The following MMADHC variants were observed in gnomAD, a reference collection of about 807,000 sequenced individuals.
MMADHC encodes cobalamin trafficking protein CblD.
A neutral mutation model predicts 36.3 loss-of-function variants in MMADHC; 23 were observed. That is an observed-to-expected ratio of 0.63 (90% CI 0.46 to 0.90). The LOEUF is 0.90. Ranked by LOEUF, MMADHC falls within the 40% of genes least tolerant of loss-of-function variation. The pLI, the probability that MMADHC is intolerant of heterozygous loss-of-function variation, is 0.00. For missense variants in MMADHC, 330 were observed against 348.0 expected, an observed-to-expected ratio of 0.95 and a Z score of 0.41; for synonymous variants, 97 against 116.1, an observed-to-expected ratio of 0.84 and a Z score of 1.06.
chr2:149,585,563 A>C (rs1320158997), intron 2 of MMADHC, among the ~76,000 whole-genome samples: 1 of 152,228 alleles, frequency 6.6e-6, no homozygotes, highest in East Asian at 1.9e-4. Flanking sequence ...AACTCAGAAG[A>C]TCTGGCAGTA....
chr2:149,582,950 G>A (rs186725946), intron 2 of MMADHC, among the ~76,000 whole-genome samples: 43 of 152,248 alleles, frequency 2.8e-4, no homozygotes, highest in Admixed American at 1.6e-3. Flanking sequence ...ATTGGCGAAC[G>A]ATTTCCCAAT....
chr2:149,575,241 G>A (rs1425542603), intron 6 of MMADHC, among the ~76,000 whole-genome samples: 1 of 152,146 alleles, frequency 6.6e-6, no homozygotes, highest in Non-Finnish European at 1.5e-5. Flanking sequence ...AGAAAAAAAT[G>A]TGGGTATACA....
chr2:149,582,766 A>G (rs1682812839), intron 2 of MMADHC, among the ~76,000 whole-genome samples: 2 of 152,104 alleles, frequency 1.3e-5, no homozygotes, highest in African/African-American at 2.4e-5. Flanking sequence ...TCTCCATTTC[A>G]GCACGTATCT....
At chr2:149,582,562 CTTA>C (rs1020074839) in intron 2 of MMADHC, among the ~76,000 whole-genome samples, 7 of 152,130 alleles carry the variant, frequency 4.6e-5, no homozygotes, top group African/African-American at 1.7e-4. Flanking sequence ...TAAAAGTTGT[CTTA>C]TTTAGACACA....
At chr2:149,572,620 T>C (rs1682660932) in intron 6 of MMADHC, among the ~76,000 whole-genome samples, 2 of 152,112 alleles carry the variant, frequency 1.3e-5, no homozygotes, top group South Asian at 2.1e-4. Flanking sequence ...GCTGAGGAGA[T>C]AGAAAGCAAG....
At chr2:149,582,536 T>C (rs1194609920) in intron 2 of MMADHC, among the ~76,000 whole-genome samples, 1 of 152,220 alleles carries the variant, frequency 6.6e-6, no homozygotes, top group South Asian at 2.1e-4. Flanking sequence ...GTGCCACACA[T>C]GAGAGAATAG....
intron 4 of MMADHC, among the ~76,000 whole-genome samples, chr2:149,576,901 T>C (rs1332507763): frequency 6.6e-6 from 1 of 152,176 alleles, no homozygotes; most frequent in African/African-American, 2.4e-5. Context: ...TTCTATAATC[T>C]GTAAAAGGGG....
intron 2 of MMADHC, among the ~76,000 whole-genome samples, chr2:149,585,440 C>T (rs1254255004): frequency 6.6e-6 from 1 of 152,224 alleles, no homozygotes; most frequent in Non-Finnish European, 1.5e-5. Flanking sequence ...GCATCCACAT[C>T]TATCCAGACA....
chr2:149,587,136 T>C lies in MMADHC; in HGVS notation c.-39A>G. On this transcript the variant is annotated 5_prime_UTR_variant, in exon 2 of 8. Coordinates refer to ENST00000303319, the MANE Select transcript of MMADHC (RefSeq NM_015702.3). ...GATAGTTCGCAAAATAGCTTTCCTT[T>C]GGTAAAGTTATTTCTGGGAAAGAAC... The C allele has an allele frequency of 1.2e-6, 2 of 1,605,086 alleles. No individual in the cohort carries two copies. The highest frequency in any genetic ancestry group is 1.3e-5 in the African/African-American group (1 of 74,822).
rs1682631346 is a variant in MMADHC, at chr2:149,571,082, C to CA, written c.696+2dup. 1 of 1,599,590 alleles carries CA rather than the reference C, an allele frequency of 6.3e-7. No individual in the cohort carries two copies. The highest frequency in any genetic ancestry group is 1.1e-5 in the South Asian group (1 of 90,696). ...ATCTGATTTTCAAATGATAATTACT[C>CA]ACTGCCAAACCAGATGATGGGTCAA... On this transcript the variant is annotated splice_region_variant and intron_variant, in intron 7 of 7. Transcript: ENST00000303319.
chr2:149,578,109 T>C (rs1215802258), intron 4 of MMADHC, among the ~76,000 whole-genome samples: 3 of 152,114 alleles, frequency 2.0e-5, no homozygotes, highest in African/African-American at 7.2e-5. Flanking sequence ...ATTAAGTAAG[T>C]TGCAGAGTCA....
At chr2:149,585,813 G>A (rs749015392) in intron 2 of MMADHC, among the ~76,000 whole-genome samples, 1 of 152,052 alleles carries the variant, frequency 6.6e-6, no homozygotes, top group Non-Finnish European at 1.5e-5. Flanking sequence ...AATTGTTATC[G>A]TACATTTGGA....
intron 7 of MMADHC, 111 bp from the exon 8 acceptor site, chr2:149,570,279 T>A: frequency 1.1e-6 from 1 of 937,668 alleles, no homozygotes; most frequent in Non-Finnish European, 1.7e-6. Context: ...TTTAAAAAAC[T>A]AAATAAGTAA....
intron 6 of MMADHC, among the ~76,000 whole-genome samples, chr2:149,574,676 T>A (rs1003696635): frequency 2.0e-5 from 3 of 152,214 alleles, no homozygotes; most frequent in Non-Finnish European, 4.4e-5. Flanking sequence ...AGATACACAC[T>A]GATTCAGCAA....
intron 3 of MMADHC, among the ~76,000 whole-genome samples, chr2:149,581,754 T>C (rs34641209): frequency 2.0e-5 from 3 of 152,200 alleles, no homozygotes; most frequent in Non-Finnish European, 4.4e-5. Flanking sequence ...ACAGACTTTG[T>C]AGAAAGCAGG....
At chr2:149,586,179 C>T (rs1682866201) in intron 2 of MMADHC, among the ~76,000 whole-genome samples, 1 of 152,180 alleles carries the variant, frequency 6.6e-6, no homozygotes, top group Non-Finnish European at 1.5e-5. Context: ...ATCTTCCTAG[C>T]ACACAGCTCT....
chr2:149,577,869 T>A (rs1392743391), intron 4 of MMADHC, among the ~76,000 whole-genome samples: 6 of 151,772 alleles, frequency 4.0e-5, no homozygotes, highest in Admixed American at 2.0e-4. Flanking sequence ...AATACAAAAA[T>A]CAGCTGGGTG....
chr2:149,578,001 A>C (rs1271107136), intron 4 of MMADHC, among the ~76,000 whole-genome samples: 1 of 152,188 alleles, frequency 6.6e-6, no homozygotes, highest in Non-Finnish European at 1.5e-5. Context: ...CTGGTGACAG[A>C]GCAAGACTTC....
chr2:149,576,059 C>T (rs1007155086), intron 5 of MMADHC, among the ~76,000 whole-genome samples: 1 of 151,998 alleles, frequency 6.6e-6, no homozygotes, highest in Non-Finnish European at 1.5e-5. Flanking sequence ...AATATTACTA[C>T]CAACAATCCT....
Sources: gnomAD v4.1 joint callset for allele counts (sites outside exome capture counted in the v4.1 genomes callset) on GRCh38, gnomAD v4.1.1 for gene constraint, MANE v1.5 for transcripts, NCBI Gene and HGNC (gene_info 2026-07-23, HGNC 2026-07-21) for gene names.